Variants in ASAP2 observed in about 807,000 individuals in gnomAD.
ASAP2 encodes the protein ArfGAP with SH3 domain, ankyrin repeat and PH domain 2, also known as arf-GAP with SH3 domain, ANK repeat and PH domain-containing protein 2.
Under a neutral mutation model 131.4 loss-of-function variants are expected in ASAP2, and 45 were observed. The observed-to-expected ratio is 0.34, with a 90% CI of 0.27 to 0.44. The LOEUF (loss-of-function observed/expected upper bound fraction) is 0.44, where lower values mean the gene tolerates loss of function less well. Ranked by LOEUF, ASAP2 falls within the 20% of genes least tolerant of loss-of-function variation. The pLI, the probability that ASAP2 is intolerant of heterozygous loss-of-function variation, is 1.00. For missense variants in ASAP2, 1,011 were observed against 1,297.0 expected, an observed-to-expected ratio of 0.78 and a Z score of 3.39; for synonymous variants, 510 against 503.0, an observed-to-expected ratio of 1.01 and a Z score of -0.19.
chr2:9,402,481 G>C (rs1676816631), intron 27 of ASAP2, among the ~76,000 whole-genome samples: 2 of 152,164 alleles, frequency 1.3e-5, no homozygotes, highest in South Asian at 4.1e-4. Context: ...AATTAGCTAG[G>C]TGTGGTGGCA....
intron 3 of ASAP2, among the ~76,000 whole-genome samples, chr2:9,307,916 A>G (rs533602109): frequency 2.2e-4 from 33 of 152,168 alleles, no homozygotes; most frequent in Non-Finnish European, 4.3e-4. Context: ...GTGAGAGTGC[A>G]TAGACGGGAG....
intron 1 of ASAP2, among the ~76,000 whole-genome samples, chr2:9,252,547 C>T (rs1664781257): frequency 6.6e-6 from 1 of 151,946 alleles, no homozygotes; most frequent in Non-Finnish European, 1.5e-5. Context: ...GCATTCCAGC[C>T]TGGGCGACAA....
At chr2:9,273,133 T>G (rs1023405445) in intron 1 of ASAP2, among the ~76,000 whole-genome samples, 2 of 152,238 alleles carry the variant, frequency 1.3e-5, no homozygotes, top group Non-Finnish European at 2.9e-5. Context: ...TAAATCGTTC[T>G]GGGTAGTATG....
intron 1 of ASAP2, among the ~76,000 whole-genome samples, chr2:9,245,903 T>C (rs1309922442): frequency 6.6e-6 from 1 of 152,192 alleles, no homozygotes; most frequent in African/African-American, 2.4e-5. Context: ...GTTATTGTTG[T>C]TGTGGGGCTT....
intron 15 of ASAP2, among the ~76,000 whole-genome samples, chr2:9,367,310 G>C (rs1673556037): frequency 6.6e-6 from 1 of 151,968 alleles, no homozygotes; most frequent in African/African-American, 2.4e-5. Context: ...TAGGAATACA[G>C]GTGTGAGCCA....
chr2:9,380,591 C>T (rs555200378), intron 19 of ASAP2, 150 bp from the exon 20 acceptor site: 1 of 788,196 alleles, frequency 1.3e-6, no homozygotes, highest in Non-Finnish European at 2.3e-6. Flanking sequence ...ATACATTCAG[C>T]CTCGACTAGG....
rs755204883 is a variant in ASAP2 at position 9,207,172 on chromosome 2, C to T, written c.68C>T (p.Ala23Val). Reference protein sequence around the residue: ...ETHEDYKAPTASSFTTRTAQC... With the variant: ...ETHEDYKAPTVSSFTTRTAQC... Reference sequence around the variant, plus strand: ...CATGAGGACTACAAGGCGCCCACGGCCTCCAGCTTCACCACCCGCACGGCG... The same window carrying T: ...CATGAGGACTACAAGGCGCCCACGGTCTCCAGCTTCACCACCCGCACGGCG... The change falls in exon 1 of 28, where the codon GCC (alanine) becomes GTC (valine). Residue 23 changes from alanine (A) to valine (V), a missense_variant. Ala to Val is a moderately conservative substitution (Grantham distance 64). This residue lies in a region of ASAP2 where 359 missense variants were observed against 598.1 expected (regional missense o/e 0.60). Transcript: ENST00000281419. This position sits in a 1 kb window ranked among gnomAD's most constrained non-coding sequence, Gnocchi z 4.1. 1.9e-6 allele frequency: 3 copies of T among 1,605,722 alleles called. No individual in the cohort carries two copies. The highest frequency in any genetic ancestry group is 2.5e-6 in the Non-Finnish European group (3 of 1,176,712).
At chr2:9,227,057 A>G (rs1466176672) in intron 1 of ASAP2, among the ~76,000 whole-genome samples, 1 of 152,152 alleles carries the variant, frequency 6.6e-6, no homozygotes, top group Non-Finnish European at 1.5e-5. Flanking sequence ...AGTATGTGTG[A>G]GAGAGTATTT....
chr2:9,328,707 G>A (rs1041353192), intron 7 of ASAP2, among the ~76,000 whole-genome samples: 2 of 152,124 alleles, frequency 1.3e-5, no homozygotes, highest in Admixed American at 6.5e-5. Flanking sequence ...TCGACCCCCA[G>A]TCACTGATAT....
chr2:9,395,089 A>G (rs1484079467), intron 24 of ASAP2, among the ~76,000 whole-genome samples: 14 of 152,184 alleles, frequency 9.2e-5, no homozygotes, highest in Non-Finnish European at 2.9e-5. Flanking sequence ...GACTTCCGCC[A>G]TACGTCACTG....
At chr2:9,244,947 G>A (rs776119501) in intron 1 of ASAP2, among the ~76,000 whole-genome samples, 3 of 152,170 alleles carry the variant, frequency 2.0e-5, no homozygotes, top group African/African-American at 7.2e-5. Context: ...ATTTGACAGG[G>A]TGACACGATG....
intron 3 of ASAP2, among the ~76,000 whole-genome samples, chr2:9,305,221 T>C (rs1668798847): frequency 6.6e-6 from 1 of 151,552 alleles, no homozygotes; most frequent in South Asian, 2.1e-4. Flanking sequence ...TAGATATTGG[T>C]TGACAGGCTG....
At chr2:9,378,694 G>GC (rs1376973259) in intron 18 of ASAP2, among the ~76,000 whole-genome samples, 1 of 152,182 alleles carries the variant, frequency 6.6e-6, no homozygotes, top group East Asian at 1.9e-4. Context: ...CAACAGGGAT[G>GC]CCCCCCTCCC....
intron 14 of ASAP2, among the ~76,000 whole-genome samples, chr2:9,357,266 G>A (rs1007295315): frequency 3.3e-5 from 5 of 151,634 alleles, no homozygotes; most frequent in African/African-American, 4.9e-5. Flanking sequence ...ATCACTTGAG[G>A]TCAGGAGTTC....
chr2:9,279,892 A>G (rs1667018026), intron 2 of ASAP2, among the ~76,000 whole-genome samples: 1 of 152,246 alleles, frequency 6.6e-6, no homozygotes, highest in African/African-American at 2.4e-5. Flanking sequence ...TTACACATAT[A>G]TATTTTTTAA....
At chr2:9,252,686 C>T (rs573115765) in intron 1 of ASAP2, among the ~76,000 whole-genome samples, 11 of 152,100 alleles carry the variant, frequency 7.2e-5, no homozygotes, top group East Asian at 3.9e-4. Context: ...GAGGTTGAGG[C>T]GGGCAGATCA....
intron 1 of ASAP2, among the ~76,000 whole-genome samples, chr2:9,226,722 C>G (rs1662795278): frequency 6.6e-6 from 1 of 152,202 alleles, no homozygotes; most frequent in African/African-American, 2.4e-5. Flanking sequence ...CACAGGGAGC[C>G]TGGAAAAACA....
At chr2:9,371,888 G>C (rs1673999478) in intron 16 of ASAP2, among the ~76,000 whole-genome samples, 2 of 152,056 alleles carry the variant, frequency 1.3e-5, no homozygotes, top group Admixed American at 1.3e-4. Flanking sequence ...AGGCCGAGGT[G>C]GGCGGATCAC....
chr2:9,213,273 G>A (rs969253896), intron 1 of ASAP2, among the ~76,000 whole-genome samples: 4 of 152,200 alleles, frequency 2.6e-5, no homozygotes, highest in African/African-American at 9.7e-5. Flanking sequence ...GCCCTGAAAT[G>A]CCAATGGGCG....
Sources: allele counts gnomAD v4.1 joint callset (sites outside exome capture counted in the v4.1 genomes callset), GRCh38; gene constraint gnomAD v4.1.1; regional missense constraint gnomAD v4.1.1; non-coding constraint Gnocchi (gnomAD v3.1); transcripts MANE v1.5; gene names NCBI Gene and HGNC (gene_info 2026-07-23, HGNC 2026-07-21).